Variants in ADAMTS17 observed in about 807,000 individuals in gnomAD.
ADAMTS17 encodes the protein ADAM metallopeptidase with thrombospondin type 1 motif 17.
In ADAMTS17, 113 loss-of-function variants were observed where a neutral mutation model predicts 141.5. The ratio of observed to expected loss-of-function variants is 0.80; its 90% CI spans 0.69 to 0.93. ADAMTS17 has a LOEUF of 0.93. ADAMTS17 is among the 40% of genes least tolerant of loss of function. The probability of loss-of-function intolerance (pLI) is 0.00; values close to 1 mark genes in which losing one functional copy is unlikely to be tolerated. For synonymous variants in ADAMTS17, 768 were observed against 630.6 expected, an observed-to-expected ratio of 1.22 and a Z score of -3.27; for missense variants, 1,659 against 1,517.9, an observed-to-expected ratio of 1.09 and a Z score of -1.54.
chr15:100,167,065 T>C (rs2039978256), intron 8 of ADAMTS17, among the ~76,000 whole-genome samples: 1 of 152,192 alleles, frequency 6.6e-6, no homozygotes, highest in African/African-American at 2.4e-5. Context: ...TACTAAGAGT[T>C]TGAAATGTGC....
intron 18 of ADAMTS17, among the ~76,000 whole-genome samples, chr15:99,999,691 AC>A (rs2141355548): frequency 6.6e-6 from 1 of 152,214 alleles, no homozygotes; most frequent in East Asian, 1.9e-4. Context: ...CTCTGAGAGG[AC>A]CACTGGCTCG....
At chr15:100,187,703 C>G (rs12439057) in intron 8 of ADAMTS17, among the ~76,000 whole-genome samples, 5,591 of 152,260 alleles carry the variant, frequency 0.037, 176 homozygotes, top group East Asian at 0.18. Context: ...CTGCCAACTC[C>G]CTATTTCACC....
At chr15:100,168,967 A>C (rs2040056240) in intron 8 of ADAMTS17, among the ~76,000 whole-genome samples, 1 of 152,234 alleles carries the variant, frequency 6.6e-6, no homozygotes, top group Admixed American at 6.5e-5. Context: ...AGGGGCGACT[A>C]TAATGGCAGA....
At chr15:100,323,531 A>T (rs536460155) in intron 3 of ADAMTS17, among the ~76,000 whole-genome samples, 148 of 152,346 alleles carry the variant, frequency 9.7e-4, no homozygotes, top group Non-Finnish European at 1.9e-3. Context: ...GAAATTAAAT[A>T]TGAAGATAGT....
chr15:100,258,257 GGT>G (rs1189393697), intron 6 of ADAMTS17, among the ~76,000 whole-genome samples: 1 of 152,092 alleles, frequency 6.6e-6, no homozygotes, highest in Non-Finnish European at 1.5e-5. Flanking sequence ...GGGATCACGT[GGT>G]AACTCTAGTT....
chr15:100,306,807 C>T (rs1046014865), intron 3 of ADAMTS17, among the ~76,000 whole-genome samples: 1 of 152,122 alleles, frequency 6.6e-6, no homozygotes, highest in Non-Finnish European at 1.5e-5. Context: ...GATGCAGCAC[C>T]CCCTTGAAAT....
rs182054540 is a variant in ADAMTS17 at position 100,109,924 on chromosome 15, C to T, written c.1889-808G>A. On this transcript the variant is annotated intron_variant, in intron 13 of 21. Coordinates refer to ENST00000268070, the MANE Select transcript of ADAMTS17 (RefSeq NM_139057.4). ...GAGCAGCATCTCCACATGCACTGTG[C>T]ACACACCTCCATTAAAGCAACAGCA... Among the ~76,000 whole-genome samples, 142 of 152,170 alleles carry T rather than the reference C, an allele frequency of 9.3e-4. 2 individuals carry two copies. The highest frequency in any genetic ancestry group is 3.2e-3 in the African/African-American group (132 of 41,520).
Position 100,164,929 on chromosome 15 carries a change from C to G in ADAMTS17, c.1182-9609G>C, listed in dbSNP as rs138730899. ...AGGACAATCACTAATGACCACTCAT[C>G]TATACCATGTGTTGCTCTCCATAGG... is the stretch of plus-strand genomic sequence containing the variant. On this transcript the variant is annotated intron_variant, in intron 8 of 21. Transcript: ENST00000268070. Among the ~76,000 whole-genome samples the G allele has an allele frequency of 8.3e-4, 127 of 152,304 alleles. No individual in the cohort carries two copies. In the East Asian group the frequency reaches 0.021, roughly 25 times the overall value.
At chr15:100,188,969 C>A (rs2040822133) in intron 8 of ADAMTS17, among the ~76,000 whole-genome samples, 1 of 152,264 alleles carries the variant, frequency 6.6e-6, no homozygotes, top group African/African-American at 2.4e-5. Context: ...GCAGCTGCAA[C>A]ACTGAGCATC....
chr15:100,281,425 T>G lies in ADAMTS17; in HGVS notation c.617-24A>C, dbSNP rs187110074. The stretch of plus-strand genomic sequence containing the variant: ...TTCTAGAAAATGATGGAAACATTTG[T>G]GCGGTCCTTGGCTTACTGACTTCCA... On this transcript the variant is annotated intron_variant, in intron 3 of 21. Transcript: ENST00000268070. 190 of 1,606,958 alleles carry G rather than the reference T, an allele frequency of 1.2e-4. No individual in the cohort carries two copies. In the African/African-American group the frequency reaches 1.9e-3, roughly 16 times the overall value.
chr15:100,328,247 T>G (rs1309154785), intron 3 of ADAMTS17, among the ~76,000 whole-genome samples: 3 of 152,168 alleles, frequency 2.0e-5, no homozygotes, highest in Non-Finnish European at 4.4e-5. Context: ...GTAAATTAAT[T>G]TTCCCGATTT....
chr15:100,142,615 G>A (rs891552621), intron 10 of ADAMTS17, among the ~76,000 whole-genome samples: 5 of 152,138 alleles, frequency 3.3e-5, no homozygotes, highest in African/African-American at 9.7e-5. Flanking sequence ...TTCCCATTTT[G>A]CAGATGAGAA....
chr15:100,179,701 C>G (rs1167004117), intron 8 of ADAMTS17, among the ~76,000 whole-genome samples: 2 of 152,180 alleles, frequency 1.3e-5, no homozygotes, highest in African/African-American at 4.8e-5. Flanking sequence ...ACCTTGCCAG[C>G]ATTTGTTATT....
chr15:100,266,763 C>A (rs537008122), intron 4 of ADAMTS17, among the ~76,000 whole-genome samples: 1 of 152,190 alleles, frequency 6.6e-6, no homozygotes, highest in African/African-American at 2.4e-5. Flanking sequence ...GGCCCTGATA[C>A]CTGTCACTGC....
At chr15:99,987,857 GGGT>G (rs939612308) in intron 20 of ADAMTS17, among the ~76,000 whole-genome samples, 1 of 152,154 alleles carries the variant, frequency 6.6e-6, no homozygotes, top group African/African-American at 2.4e-5. Context: ...CAACTCTCCT[GGGT>G]GATGGCAGCA....
chr15:100,338,791 T>C (rs1280232170), intron 2 of ADAMTS17, among the ~76,000 whole-genome samples: 1 of 151,696 alleles, frequency 6.6e-6, no homozygotes, highest in Non-Finnish European at 1.5e-5. Flanking sequence ...ACAGAGCTTC[T>C]ACCACAGTAC....
rs182253775 is a variant in ADAMTS17, at chr15:100,100,965, G to A, written c.2017-4489C>T. 1.2e-4 allele frequency among the ~76,000 whole-genome samples: 18 copies of A among 152,150 alleles called. No homozygotes were observed. In the East Asian group the frequency reaches 3.5e-3, roughly 29 times the overall value. On this transcript the variant is annotated intron_variant, in intron 14 of 21. Coordinates refer to ENST00000268070, the MANE Select transcript of ADAMTS17 (RefSeq NM_139057.4). ...CCGGAATGACCCCTCAGCCAGGTGG[G>A]CAACCAGAATAGCCTCTTAACTTGT...
chr15:100,259,416 A>G (rs1423136767), intron 6 of ADAMTS17, among the ~76,000 whole-genome samples: 1 of 152,242 alleles, frequency 6.6e-6, no homozygotes, highest in Non-Finnish European at 1.5e-5. Flanking sequence ...CTTGAGCAAC[A>G]GCGGCCTCTG....
Position 100,026,685 on chromosome 15 carries a change from C to T in ADAMTS17, c.2591+22172G>A, listed in dbSNP as rs569558956. Among the ~76,000 whole-genome samples the T allele has an allele frequency of 4.6e-5, 7 of 152,308 alleles. No individual in the cohort carries two copies. In the South Asian group the frequency reaches 1.4e-3, roughly 32 times the overall value. ...ATCCACCATCTTGTCTTGCTGCTGC[C>T]CGAGGCACAGGCATGGCTTCTGTTT... On this transcript the variant is annotated intron_variant, in intron 18 of 21. Transcript: ENST00000268070.
Sources: allele counts gnomAD v4.1 joint callset (sites outside exome capture counted in the v4.1 genomes callset), GRCh38; gene constraint gnomAD v4.1.1; transcripts MANE v1.5; gene names NCBI Gene and HGNC (gene_info 2026-07-23, HGNC 2026-07-21).